The following RGL2 variants were observed in gnomAD, a reference collection of about 807,000 sequenced individuals.
RGL2 encodes ral guanine nucleotide dissociation stimulator-like 2.
RGL2 carries 40 observed loss-of-function variants against 84.6 expected under a neutral mutation model. The ratio of observed to expected loss-of-function variants is 0.47; its 90% CI spans 0.37 to 0.62. The LOEUF (loss-of-function observed/expected upper bound fraction) is 0.62. Among genes scored for constraint, RGL2 ranks in the 20% least tolerant of loss-of-function variants. RGL2 has a pLI of 0.00. For synonymous variants in RGL2, 369 were observed against 417.3 expected, an observed-to-expected ratio of 0.88 and a Z score of 1.41; for missense variants, 865 against 1,019.7, an observed-to-expected ratio of 0.85 and a Z score of 2.07.
chr6:33,295,585 G>T lies in RGL2; in HGVS notation c.943C>A (p.Pro315Thr). 1.2e-6 allele frequency: 2 copies of T among 1,613,956 alleles called. No individual in the cohort carries two copies. Among genetic ancestry groups the T allele is most frequent in the Non-Finnish European group, 1.7e-6 (2 of 1,180,024 alleles). Residue 315 changes from proline (P) to threonine (T), a missense_variant, in exon 7 of 18, where the codon CCT becomes ACT. Physicochemically the swap from Pro to Thr is conservative, Grantham distance 38 (BLOSUM62 -1). This residue lies in a region of RGL2 where 455 missense variants were observed against 507.8 expected (regional missense o/e 0.90). Transcript: ENST00000497454. This position sits in a 1 kb window ranked among gnomAD's most constrained non-coding sequence, Gnocchi z 7.2. ...VLGATSTGEG[P>T]GEVTIRPLRP... ...AGTGGCCGTATGGTCACCTCCCCAG[G>T]TCCCTCTCCAGTGGAAGTAGCCCCC...
Position 33,293,160 on chromosome 6 carries a change from G to T in RGL2, c.1863C>A (p.Gly621=), listed in dbSNP as rs1198053702. The T allele has an allele frequency of 6.2e-7, 1 of 1,608,462 alleles. No homozygotes were observed. Residue 621 remains glycine, a synonymous_variant, in exon 16 of 18, where the codon GGC becomes GGA. Coordinates refer to ENST00000497454, the MANE Select transcript of RGL2 (RefSeq NM_004761.5). The surrounding 1 kb of genome is among the most constrained non-coding windows in gnomAD (Gnocchi z 7.0). Reference sequence around the variant, plus strand: ...CTTCTGCACCCCCACTCAGCGGGGAGCCACAGGAGGCTGAGCGGCGGTGAC... The same window carrying T: ...CTTCTGCACCCCCACTCAGCGGGGATCCACAGGAGGCTGAGCGGCGGTGAC... ...SRGHRRSASC[G]SPLSGGAEEA...
At chr6:33,299,513 G>A (rs1768366519), upstream of RGL2, among the ~76,000 whole-genome samples, 1 of 152,108 alleles carries the variant, frequency 6.6e-6, no homozygotes, top group Non-Finnish European at 1.5e-5. The surrounding 1 kb of genome is among the most constrained non-coding windows in gnomAD (Gnocchi z 5.0). Context: ...GATCCCCGTC[G>A]GCTCGGTGTA....
At chr6:33,299,528 C>A (rs929666406), upstream of RGL2, among the ~76,000 whole-genome samples, 23 of 152,074 alleles carry the variant, frequency 1.5e-4, no homozygotes, top group African/African-American at 5.6e-4. The surrounding 1 kb of genome is among the most constrained non-coding windows in gnomAD (Gnocchi z 5.0). Context: ...GGTGTATCCT[C>A]GCTGGTGGAG....
intron 16 of RGL2, among the ~76,000 whole-genome samples, chr6:33,292,775 G>A (rs1410771708): frequency 1.3e-5 from 2 of 152,246 alleles, no homozygotes; most frequent in African/African-American, 4.8e-5. Context: ...ATTTTAACAC[G>A]GCGACCAAAA....
rs755098191 is a variant in RGL2, at chr6:33,294,791, C to T, written c.1279-29G>A. 23 of 1,610,336 alleles carry T rather than the reference C, an allele frequency of 1.4e-5. No individual in the cohort carries two copies. In the Admixed American group the frequency reaches 3.0e-4, roughly 21 times the overall value. ...AAGTCAGGGGTCAGGGTCAGAAGTGCCTGCCATTGACGTGAGGGCCCTCCA... is the reference window on the plus strand; with the variant it reads ...AAGTCAGGGGTCAGGGTCAGAAGTGTCTGCCATTGACGTGAGGGCCCTCCA... On this transcript the variant is annotated intron_variant, in intron 10 of 17. Coordinates refer to ENST00000497454, the MANE Select transcript of RGL2 (RefSeq NM_004761.5). The surrounding 1 kb of genome is among the most constrained non-coding windows in gnomAD (Gnocchi z 5.0).
rs927865212 is a variant in RGL2, at chr6:33,292,860, T to A, written c.2007+156A>T. On this transcript the variant is annotated intron_variant, in intron 16 of 17. Transcript: ENST00000497454. ...TTCAGCTTCTATTGAAGACTAGAGT[T>A]TAGAAGATAAAATTAAAAATAAAAC... Among the ~76,000 whole-genome samples the A allele has an allele frequency of 2.6e-5, 4 of 152,162 alleles. No homozygotes were observed. The East Asian group carries it at 5.8e-4, about 22-fold the overall frequency.
In RGL2 at chr6:33,298,513, C is replaced by T. The variant is rs567168466; in HGVS notation, c.98G>A (p.Gly33Asp). 30 of 1,516,824 alleles carry T rather than the reference C, an allele frequency of 2.0e-5. No homozygotes were observed. The highest frequency in any genetic ancestry group is 6.7e-5 in the Admixed American group (3 of 44,818). The allele number at this position is 1,516,824 out of a possible 1,614,324, so 94.0% of individuals were successfully genotyped here. ...FRSRDPEEGG[G>D]PGGLVVGGGQ... is the part of the protein sequence containing the mutation. ...CCCGCCCACGACCAGGCCACCTGGGCCCCCACCCTCTTCGGGGTCCCGGCT... is the reference window on the plus strand; with the variant it reads ...CCCGCCCACGACCAGGCCACCTGGGTCCCCACCCTCTTCGGGGTCCCGGCT... The change falls in exon 2 of 18, where the codon GGC becomes GAC. Residue 33 changes from glycine (G) to aspartate (D), a missense_variant. Around this residue, in one of 5 missense-constraint regions of RGL2, gnomAD observed 10 missense variants for 30.5 expected, o/e 0.33. Coordinates refer to ENST00000497454, the MANE Select transcript of RGL2 (RefSeq NM_004761.5). The surrounding 1 kb of genome is among the most constrained non-coding windows in gnomAD (Gnocchi z 4.8).
Position 33,293,215 on chromosome 6 carries a change from G to C in RGL2, c.1808C>G (p.Pro603Arg). The change falls in exon 16 of 18, where the codon CCA becomes CGA. Residue 603 changes from proline (P) to arginine (R), a missense_variant. By Grantham distance (103) the Pro-to-Arg change is moderately radical (BLOSUM62 -2). This residue lies in a region of RGL2 where 302 missense variants were observed against 327.9 expected (regional missense o/e 0.92). Coordinates refer to ENST00000497454, the MANE Select transcript of RGL2 (RefSeq NM_004761.5). This position sits in a 1 kb window ranked among gnomAD's most constrained non-coding sequence, Gnocchi z 7.0. ...HSPADPSHLS[P>R]PASSPRPSRG... ...AGAAGGCCTAGGGGAGGAGGCTGGT[G>C]GGGAGAGGTGGCTGGGGTCAGCTGG... is the stretch of plus-strand genomic sequence containing the variant. 1 of 1,565,618 alleles carries C rather than the reference G, an allele frequency of 6.4e-7. No individual in the cohort carries two copies. Among genetic ancestry groups the C allele is most frequent in the East Asian group, 2.2e-5 (1 of 44,646 alleles).
rs950861303 is a variant in RGL2 at position 33,293,500 on chromosome 6, A to G, written c.1629T>C (p.Pro543=). The part of the protein sequence containing the change: ...WTEVLGSVGV[P]TPLVSCDRPS... ...GCCGGTCACAGGACACAAGCGGGGTAGGGACCCCAACAGAGCCCAAAACCC... is the reference window on the plus strand; with the variant it reads ...GCCGGTCACAGGACACAAGCGGGGTGGGGACCCCAACAGAGCCCAAAACCC... The change falls in exon 15 of 18, where the codon CCT becomes CCC. Residue 543 remains proline (P), a synonymous_variant. Transcript: ENST00000497454. This position sits in a 1 kb window ranked among gnomAD's most constrained non-coding sequence, Gnocchi z 7.0. 1 of 1,614,004 alleles carries G rather than the reference A, an allele frequency of 6.2e-7. No homozygotes were observed. Among genetic ancestry groups the G allele is most frequent in the Non-Finnish European group, 8.5e-7 (1 of 1,179,936 alleles).
In RGL2 at chr6:33,295,025, A is replaced by G; in HGVS notation, c.1230T>C (p.Pro410=). The G allele has an allele frequency of 6.3e-7, 1 of 1,582,646 alleles. No individual in the cohort carries two copies. The highest frequency in any genetic ancestry group is 8.6e-7 in the Non-Finnish European group (1 of 1,163,570). The change falls in exon 10 of 18, where the codon CCT becomes CCC. Residue 410 remains proline (P), a synonymous_variant. Coordinates refer to ENST00000497454, the MANE Select transcript of RGL2 (RefSeq NM_004761.5). The surrounding 1 kb of genome is among the most constrained non-coding windows in gnomAD (Gnocchi z 7.2). The part of the protein sequence containing the change: ...LLVQEVKLQS[P]LEPHSKKAPR... Reference sequence around the variant, plus strand: ...GGGCCTTCTTGGAGTGTGGCTCCAGAGGAGACTGCAGCTTCACCTCCTGGT... The same window carrying G: ...GGGCCTTCTTGGAGTGTGGCTCCAGGGGAGACTGCAGCTTCACCTCCTGGT...
chr6:33,291,929 C>T lies in RGL2; in HGVS notation c.*173G>A, dbSNP rs112924363. Reference sequence around the variant, plus strand: ...AACTTGGTTATAAGACACCAGTTCCCACAGGGCTGGATTTCTCAGCTGTCT... The same window carrying T: ...AACTTGGTTATAAGACACCAGTTCCTACAGGGCTGGATTTCTCAGCTGTCT... On this transcript the variant is annotated 3_prime_UTR_variant, in exon 18 of 18. Coordinates refer to ENST00000497454, the MANE Select transcript of RGL2 (RefSeq NM_004761.5). 1 of 685,724 alleles carries T rather than the reference C, an allele frequency of 1.5e-6. No individual in the cohort carries two copies. Among genetic ancestry groups the T allele is most frequent in the Non-Finnish European group, 2.5e-6 (1 of 403,696 alleles). 42.5% of individuals were successfully genotyped at this position (685,724 alleles called of 1,614,324 possible).
Position 33,297,263 on chromosome 6 carries a change from G to T in RGL2, c.157-148C>A. The T allele has an allele frequency of 1.6e-6, 1 of 611,584 alleles. No homozygotes were observed. Among genetic ancestry groups the T allele is most frequent in the Non-Finnish European group, 2.7e-6 (1 of 367,150 alleles). The allele number at this position is 611,584 out of a possible 1,614,324, so 37.9% of individuals were successfully genotyped here. ...GCGAGTGCGAGGAAGGGTTGGGGGA[G>T]CTGGTGACCCCAGGTCTCCCCCACT... On this transcript the variant is annotated intron_variant, in intron 2 of 17. Coordinates refer to ENST00000497454, the MANE Select transcript of RGL2 (RefSeq NM_004761.5). This position sits in a 1 kb window ranked among gnomAD's most constrained non-coding sequence, Gnocchi z 4.0.
At position 33,291,744 on chromosome 6, in the gene RGL2, TAC is replaced by T; in HGVS notation, c.*356_*357del. On this transcript the variant is annotated 3_prime_UTR_variant, in exon 18 of 18. Transcript: ENST00000497454. ...GGGAAGAAGAGCTCCTGCGAGGACC[TAC>T]ATTTTGCCATTCCCCTCTGCCCTGG... 2.3e-6 allele frequency: 1 copy of T among 442,674 alleles called. No individual in the cohort carries two copies. Among genetic ancestry groups the T allele is most frequent in the South Asian group, 2.6e-5 (1 of 38,512 alleles). The allele number at this position is 442,674 out of a possible 1,614,324, so 27.4% of individuals were successfully genotyped here. A position where few individuals can be genotyped will look rare whatever the true frequency, so the allele number is the denominator to read the frequency against.
chr6:33,292,648 C>A, intron 16 of RGL2, 104 bp from the exon 17 acceptor site: 1 of 981,870 alleles, frequency 1.0e-6, no homozygotes, highest in Non-Finnish European at 1.6e-6. Flanking sequence ...GTGTCCAAGG[C>A]TTTAAAATGA....
At position 33,295,715 on chromosome 6, in the gene RGL2, C is replaced by T; in HGVS notation, c.813G>A (p.Leu271=). 1.2e-6 allele frequency: 2 copies of T among 1,613,836 alleles called. No individual in the cohort carries two copies. The highest frequency in any genetic ancestry group is 2.2e-5 in the South Asian group (2 of 91,084). ...NLIPSQCLGG[L]WGHRDRPGHS... ...GTCCTGGCCGGTCTCTGTGACCCCA[C>T]AGGCCTCCCAGGCACTGAGAGGGGA... Residue 271 remains leucine, a synonymous_variant, in exon 7 of 18, where the codon CTG becomes CTA. Coordinates refer to ENST00000497454, the MANE Select transcript of RGL2 (RefSeq NM_004761.5). The surrounding 1 kb of genome is among the most constrained non-coding windows in gnomAD (Gnocchi z 7.2).
At position 33,291,894 on chromosome 6, in the gene RGL2, A is replaced by G; in HGVS notation, c.*208T>C. 1.6e-6 allele frequency: 1 copy of G among 614,312 alleles called. No individual in the cohort carries two copies. Among genetic ancestry groups the G allele is most frequent in the Non-Finnish European group, 2.9e-6 (1 of 346,786 alleles). The allele number at this position is 614,312 out of a possible 1,614,324, so 38.1% of individuals were successfully genotyped here. A position where few individuals can be genotyped will look rare whatever the true frequency, so the allele number is the denominator to read the frequency against. ...ACTCATGGAAGGTGGGAAGCTATAC[A>G]CAGGTATCCAACTTGGTTATAAGAC... On this transcript the variant is annotated 3_prime_UTR_variant, in exon 18 of 18. Coordinates refer to ENST00000497454, the MANE Select transcript of RGL2 (RefSeq NM_004761.5).
At position 33,298,599 on chromosome 6, in the gene RGL2, C is replaced by A; in HGVS notation, c.12G>T (p.Arg4=). MLP[R]PLRLLLDTSP... ...TCGTGTCCAAAAGCAGCCGCAGGGG[C>A]CGCGGGAGCATGGCCGAGTGAAGGA... Residue 4 remains arginine (R), a synonymous_variant, in exon 2 of 18, where the codon CGG becomes CGT. Coordinates refer to ENST00000497454, the MANE Select transcript of RGL2 (RefSeq NM_004761.5). The surrounding 1 kb of genome is among the most constrained non-coding windows in gnomAD (Gnocchi z 4.8). 6.9e-7 allele frequency: 1 copy of A among 1,459,032 alleles called. No homozygotes were observed. The highest frequency in any genetic ancestry group is 2.9e-5 in the East Asian group (1 of 34,110). The allele number at this position is 1,459,032 out of a possible 1,614,324, so 90.4% of individuals were successfully genotyped here. A position where few individuals can be genotyped will look rare whatever the true frequency, so the allele number is the denominator to read the frequency against.
In RGL2 at chr6:33,293,471, C is replaced by A; in HGVS notation, c.1658G>T (p.Ser553Ile). ...TGTAGGCGCCTCATCTCCCCCAGTA[C>A]TGGGCCGGTCACAGGACACAAGCGG... ...PTPLVSCDRP[S>I]TGGDEAPTTP... The change falls in exon 15 of 18, where the codon AGT becomes ATT. Residue 553 changes from serine to isoleucine, a missense_variant. This residue lies in a region of RGL2 where 302 missense variants were observed against 327.9 expected (regional missense o/e 0.92). Coordinates refer to ENST00000497454, the MANE Select transcript of RGL2 (RefSeq NM_004761.5). The surrounding 1 kb of genome is among the most constrained non-coding windows in gnomAD (Gnocchi z 7.0). 6.2e-7 allele frequency: 1 copy of A among 1,614,126 alleles called. No individual in the cohort carries two copies. Among genetic ancestry groups the A allele is most frequent in the Non-Finnish European group, 8.5e-7 (1 of 1,179,982 alleles).
chr6:33,293,936 C>T lies in RGL2; in HGVS notation c.1387-20G>A. 1 of 1,614,124 alleles carries T rather than the reference C, an allele frequency of 6.2e-7. No homozygotes were observed. The highest frequency in any genetic ancestry group is 8.5e-7 in the Non-Finnish European group (1 of 1,180,034). ...AAACTCCTGGGAAGGAGCCCTCAAA[C>T]TGCAGGAGCCAAAACTCAGGGACCC... On this transcript the variant is annotated intron_variant, in intron 12 of 17. Transcript: ENST00000497454. This position sits in a 1 kb window ranked among gnomAD's most constrained non-coding sequence, Gnocchi z 7.0.
Sources: gnomAD v4.1 joint callset for allele counts (sites outside exome capture counted in the v4.1 genomes callset) on GRCh38, gnomAD v4.1.1 for gene constraint, gnomAD v4.1.1 regional missense constraint, Gnocchi (gnomAD v3.1) non-coding constraint, MANE v1.5 for transcripts, NCBI Gene and HGNC (gene_info 2026-07-23, HGNC 2026-07-21) for gene names.